Variants in CCDC91 observed in about 807,000 individuals in gnomAD.
The protein encoded by CCDC91 is coiled-coil domain-containing protein 91.
A neutral mutation model predicts 63.2 loss-of-function variants in CCDC91; 48 were observed. The observed-to-expected ratio is 0.76, with a 90% confidence interval of 0.60 to 0.97. The LOEUF (loss-of-function observed/expected upper bound fraction) is 0.97, where lower values mean the gene tolerates loss of function less well. Ranked by LOEUF, CCDC91 falls within the 50% of genes least tolerant of loss-of-function variation. CCDC91 has a pLI of 0.00. For synonymous variants in CCDC91, 167 were observed against 165.8 expected (o/e 1.01, Z -0.06); for missense variants, 500 against 494.6 (o/e 1.01, Z -0.10).
At chr12:28,275,109 T>G (rs571624406) in intron 3 of CCDC91, among the ~76,000 whole-genome samples, 1 of 151,730 alleles carries the variant, frequency 6.6e-6, no homozygotes, top group African/African-American at 2.4e-5. Flanking sequence ...AGGCAAGAAA[T>G]AACTAAGATC....
chr12:28,518,427 GTTCTTTTGATAATTGTGTATTCA>G (rs1273627354), intron 12 of CCDC91, among the ~76,000 whole-genome samples: 6 of 144,638 alleles, frequency 4.1e-5, no homozygotes, highest in East Asian at 1.9e-4. Flanking sequence ...ATTTGTTTAT[GTTCTTTTGATAATTGTGTATTCA>G]TTCTTTTGAT....
intron 12 of CCDC91, among the ~76,000 whole-genome samples, chr12:28,517,585 A>G (rs1228222757): frequency 6.6e-6 from 1 of 151,804 alleles, no homozygotes; most frequent in Non-Finnish European, 1.5e-5. Flanking sequence ...ATTTGTTTTT[A>G]TTTTATTCAT....
At chr12:28,412,805 G>T in intron 8 of CCDC91, 1 of 453,640 alleles carries the variant, frequency 2.2e-6, no homozygotes, top group Non-Finnish European at 4.4e-6. Context: ...GAATCCTGCT[G>T]ATTGGTGCGT....
chr12:28,375,331 A>G (rs576470445), intron 7 of CCDC91, among the ~76,000 whole-genome samples: 4 of 151,640 alleles, frequency 2.6e-5, no homozygotes, highest in South Asian at 4.2e-4. Flanking sequence ...AGCAATTGCA[A>G]TACTTTTTCA....
At chr12:28,403,880 C>T (rs1946778523) in intron 8 of CCDC91, among the ~76,000 whole-genome samples, 1 of 151,946 alleles carries the variant, frequency 6.6e-6, no homozygotes, top group Admixed American at 6.6e-5. Flanking sequence ...TCCCTTATTT[C>T]ATTTCTGACA....
intron 12 of CCDC91, among the ~76,000 whole-genome samples, chr12:28,498,215 A>T (rs1592853339): frequency 6.6e-6 from 1 of 151,614 alleles, no homozygotes; most frequent in Non-Finnish European, 1.5e-5. Flanking sequence ...TGACTCACAC[A>T]TCAGTAGAGA....
At chr12:28,373,594 A>G (rs531932899) in intron 7 of CCDC91, among the ~76,000 whole-genome samples, 1 of 139,640 alleles carries the variant, frequency 7.2e-6, no homozygotes, top group Admixed American at 7.8e-5. Flanking sequence ...ACTGACATCT[A>G]TTAATACAAG....
rs1949448077 is a variant in CCDC91 at position 28,294,619 on chromosome 12, T to C, written c.110-11030T>C. ...TTTTTTTTGAGATGGGATTTCACTC[T>C]TGTTGCCCAGGCTGGAGTGCAGTGG... On this transcript the variant is annotated intron_variant, in intron 3 of 12. Coordinates refer to ENST00000536442, the MANE Select transcript of CCDC91 (RefSeq NM_018318.5). Among the ~76,000 whole-genome samples the C allele has an allele frequency of 5.9e-5, 9 of 152,110 alleles. No individual in the cohort carries two copies. In the South Asian group the frequency reaches 1.9e-3, roughly 32 times the overall value.
In CCDC91 at chr12:28,519,266, CTTAG is replaced by C. The variant is rs1004020411; in HGVS notation, c.1216-29792_1216-29789del. 4.1e-4 allele frequency among the ~76,000 whole-genome samples: 62 copies of C among 151,858 alleles called. 1 individual carries two copies. The highest frequency in any genetic ancestry group is 4.1e-3 in the East Asian group (21 of 5,156). On this transcript the variant is annotated intron_variant, in intron 12 of 12. Coordinates refer to ENST00000536442, the MANE Select transcript of CCDC91 (RefSeq NM_018318.5). ...TTTCCTTGCAGAGGTCTTTCACCTC[CTTAG>C]TTAGGTATATTGCTAAGTTGTTTGT...
rs192094512 is a variant in CCDC91, at chr12:28,412,553, C to T, written c.762+21142C>T. Among the ~76,000 whole-genome samples, 283 of 152,192 alleles carry T rather than the reference C, an allele frequency of 1.9e-3. 1 individual carries two copies. The highest frequency in any genetic ancestry group is 4.3e-3 in the Admixed American group (65 of 15,274). ...CTTGCTGACTTCAAGAATGGAGCTG[C>T]GGACCTTCACGGTGAGTGTTACAGC... On this transcript the variant is annotated intron_variant, in intron 8 of 12. Coordinates refer to ENST00000536442, the MANE Select transcript of CCDC91 (RefSeq NM_018318.5).
At chr12:28,529,608 A>T (rs1259329745) in intron 12 of CCDC91, among the ~76,000 whole-genome samples, 2 of 152,158 alleles carry the variant, frequency 1.3e-5, no homozygotes, top group Non-Finnish European at 2.9e-5. Context: ...CTGTTTTCTA[A>T]TTGCCGAAGA....
chr12:28,250,298 A>G (rs1946037845), intron 1 of CCDC91, among the ~76,000 whole-genome samples: 1 of 152,098 alleles, frequency 6.6e-6, no homozygotes, highest in Non-Finnish European at 1.5e-5. Flanking sequence ...AGTAGTTGGG[A>G]TGTTTTCCTA....
At chr12:28,478,364 G>C (rs1176195979) in intron 11 of CCDC91, among the ~76,000 whole-genome samples, 1 of 152,124 alleles carries the variant, frequency 6.6e-6, no homozygotes, top group Admixed American at 6.6e-5. Flanking sequence ...AATGGGGAAA[G>C]GATTCCCAGT....
intron 11 of CCDC91, among the ~76,000 whole-genome samples, chr12:28,469,325 T>C (rs1361906268): frequency 6.6e-6 from 1 of 151,936 alleles, no homozygotes; most frequent in East Asian, 1.9e-4. Context: ...AAGAAAGTAA[T>C]ACCATTTACA....
chr12:28,527,370 C>G (rs1221076575), intron 12 of CCDC91, among the ~76,000 whole-genome samples: 1 of 152,206 alleles, frequency 6.6e-6, no homozygotes, highest in African/African-American at 2.4e-5. Flanking sequence ...ATTGTTATCT[C>G]TCTTCTGGAT....
intron 11 of CCDC91, among the ~76,000 whole-genome samples, chr12:28,478,034 G>T (rs965822264): frequency 1.3e-5 from 2 of 152,098 alleles, no homozygotes; most frequent in Admixed American, 6.6e-5. Context: ...TGGCCATACT[G>T]CCCAAGGTAA....
intron 1 of CCDC91, among the ~76,000 whole-genome samples, chr12:28,244,481 A>G (rs1426717223): frequency 7.2e-6 from 1 of 139,156 alleles, no homozygotes; most frequent in Non-Finnish European, 1.5e-5. Flanking sequence ...AACTTGGACA[A>G]TGTAGAAGAA....
intron 1 of CCDC91, among the ~76,000 whole-genome samples, chr12:28,216,899 G>A (rs1306720498): frequency 6.6e-6 from 1 of 152,010 alleles, no homozygotes; most frequent in African/African-American, 2.4e-5. Context: ...GATGGTAAAG[G>A]AACCAACACT....
chr12:28,416,046 T>C (rs1947638696), intron 8 of CCDC91, among the ~76,000 whole-genome samples: 1 of 152,084 alleles, frequency 6.6e-6, no homozygotes, highest in African/African-American at 2.4e-5. Flanking sequence ...TTAGCGTTTT[T>C]TGTTATATTT....
Sources: gnomAD v4.1 joint callset for allele counts (sites outside exome capture counted in the v4.1 genomes callset) on GRCh38, gnomAD v4.1.1 for gene constraint, MANE v1.5 for transcripts, NCBI Gene and HGNC (gene_info 2026-07-23, HGNC 2026-07-21) for gene names.